Variants in TENM3 observed in about 807,000 individuals in gnomAD.
TENM3 encodes teneurin-3.
In TENM3, 63 loss-of-function variants were observed where a neutral mutation model predicts 255.1. The ratio of observed to expected loss-of-function variants is 0.25; its 90% CI spans 0.20 to 0.30. The LOEUF (loss-of-function observed/expected upper bound fraction) is 0.30, where lower values mean the gene tolerates loss of function less well. Ranked by LOEUF, TENM3 falls within the 10% of genes least tolerant of loss-of-function variation. TENM3 has a pLI of 1.00. For missense variants in TENM3, 2,929 were observed against 3,461.1 expected (o/e 0.85, Z 3.86); for synonymous variants, 1,306 against 1,322.3 (o/e 0.99, Z 0.27).
chr4:181,904,915 A>G, the TENM3 span, among the ~76,000 whole-genome samples: 1 of 151,898 alleles, frequency 6.6e-6, no homozygotes, highest in Non-Finnish European at 1.5e-5. Flanking sequence ...GGTCTCACGA[A>G]CTCTGATAGT....
the TENM3 span, among the ~76,000 whole-genome samples, chr4:182,066,393 T>C: frequency 0.022 from 3,317 of 152,188 alleles, 112 homozygotes; most frequent in African/African-American, 0.076. Flanking sequence ...TAACTAGTGA[T>C]AATGATGTCA....
intron 4 of TENM3, among the ~76,000 whole-genome samples, chr4:182,614,315 A>T (rs1395820000): frequency 6.6e-6 from 1 of 152,122 alleles, no homozygotes; most frequent in Non-Finnish European, 1.5e-5. Context: ...TAATACCTTT[A>T]TATTAGAAAG....
chr4:182,266,635 A>G (rs1195230822), intron 1 of TENM3, among the ~76,000 whole-genome samples: 1 of 152,216 alleles, frequency 6.6e-6, no homozygotes, highest in Admixed American at 6.5e-5. Flanking sequence ...TGAATAGTAC[A>G]TTAACATAAA....
chr4:182,161,434 A>C (rs1469970664), intron 1 of TENM3, among the ~76,000 whole-genome samples: 7 of 133,440 alleles, frequency 5.2e-5, no homozygotes, highest in Non-Finnish European at 1.1e-4. Context: ...AAAAAAAAAA[A>C]AAATTAGCTG....
At chr4:182,436,407 A>C (rs1417778790) in intron 3 of TENM3, among the ~76,000 whole-genome samples, 1 of 152,178 alleles carries the variant, frequency 6.6e-6, no homozygotes, top group African/African-American at 2.4e-5. Flanking sequence ...ATTGAGCAGT[A>C]AGCTTCGAGT....
At chr4:182,676,760 A>G (rs1001198537) in intron 7 of TENM3, among the ~76,000 whole-genome samples, 12 of 152,238 alleles carry the variant, frequency 7.9e-5, no homozygotes, top group African/African-American at 2.9e-4. Context: ...TTATTAATAC[A>G]TTGTAGTTTA....
At chr4:181,621,933 A>C in the TENM3 span, among the ~76,000 whole-genome samples, 2 of 152,220 alleles carry the variant, frequency 1.3e-5, no homozygotes, top group Non-Finnish European at 2.9e-5. Flanking sequence ...CTCACAGTTC[A>C]AATCGAGCCT....
At chr4:181,554,990 A>G in the TENM3 span, among the ~76,000 whole-genome samples, 1 of 152,206 alleles carries the variant, frequency 6.6e-6, no homozygotes, top group Admixed American at 6.5e-5. Context: ...TAAAATTGAC[A>G]AGAGATAGAA....
chr4:182,045,770 C>G, the TENM3 span, among the ~76,000 whole-genome samples: 2 of 152,162 alleles, frequency 1.3e-5, no homozygotes, highest in Admixed American at 1.3e-4. Flanking sequence ...AAACCTAGGC[C>G]GGGCACAGTG....
At chr4:181,957,260 G>A in the TENM3 span, among the ~76,000 whole-genome samples, 1 of 152,122 alleles carries the variant, frequency 6.6e-6, no homozygotes, top group Non-Finnish European at 1.5e-5. Context: ...GTGTACAATG[G>A]GTTTTGAATT....
At chr4:182,489,748 T>C (rs1735099074) in intron 3 of TENM3, among the ~76,000 whole-genome samples, 1 of 151,954 alleles carries the variant, frequency 6.6e-6, no homozygotes, top group African/African-American at 2.4e-5. Context: ...TTTCTCCTCT[T>C]TCTTCCTTAC....
At chr4:182,266,344 C>A (rs1759241763) in intron 1 of TENM3, among the ~76,000 whole-genome samples, 1 of 152,088 alleles carries the variant, frequency 6.6e-6, no homozygotes, top group African/African-American at 2.4e-5. Flanking sequence ...ATTAAAATGT[C>A]AAAGAATTGT....
chr4:181,761,643 A>T, the TENM3 span, among the ~76,000 whole-genome samples: 155 of 152,302 alleles, frequency 1.0e-3, no homozygotes, highest in African/African-American at 3.6e-3. Context: ...GTACCATATT[A>T]TAGTTATTTT....
At chr4:182,031,088 T>C in the TENM3 span, among the ~76,000 whole-genome samples, 61 of 152,352 alleles carry the variant, frequency 4.0e-4, no homozygotes, top group African/African-American at 1.4e-3. Flanking sequence ...TTTGCTTTTG[T>C]TGCAATTGCC....
chr4:182,597,512 T>C (rs980266548), intron 3 of TENM3, among the ~76,000 whole-genome samples: 3 of 152,216 alleles, frequency 2.0e-5, no homozygotes, highest in Non-Finnish European at 4.4e-5. Context: ...CTTTCGATCT[T>C]AAAAATACTC....
the TENM3 span, among the ~76,000 whole-genome samples, chr4:181,749,529 G>C: frequency 1.3e-5 from 2 of 152,040 alleles, no homozygotes; most frequent in Admixed American, 6.6e-5. Flanking sequence ...AATGTTTGAG[G>C]GCAAGTATGT....
At chr4:182,153,013 C>G (rs922287253) in intron 1 of TENM3, among the ~76,000 whole-genome samples, 7 of 151,332 alleles carry the variant, frequency 4.6e-5, no homozygotes, top group African/African-American at 1.7e-4. Context: ...ATAAAGAAAC[C>G]TTAATAATTT....
intron 2 of TENM3, among the ~76,000 whole-genome samples, chr4:182,325,690 G>A (rs1763350148): frequency 6.6e-6 from 1 of 151,796 alleles, no homozygotes; most frequent in Non-Finnish European, 1.5e-5. Flanking sequence ...CACCAAATGT[G>A]AAGTCTTGCT....
the TENM3 span, among the ~76,000 whole-genome samples, chr4:181,700,503 G>A: frequency 6.6e-6 from 1 of 152,126 alleles, no homozygotes. Context: ...CATAGTTAAT[G>A]CAATACATTC....
Sources: gnomAD v4.1 joint callset for allele counts (sites outside exome capture counted in the v4.1 genomes callset) on GRCh38, gnomAD v4.1.1 for gene constraint, MANE v1.5 for transcripts, NCBI Gene and HGNC (gene_info 2026-07-23, HGNC 2026-07-21) for gene names.